TCEA2: variants seen among roughly 807,000 people sequenced by gnomAD.
The protein encoded by TCEA2 is transcription elongation factor A protein 2.
A neutral mutation model predicts 40.8 loss-of-function variants in TCEA2; 21 were observed. The ratio of observed to expected loss-of-function variants is 0.51; its 90% CI spans 0.36 to 0.74. The LOEUF (loss-of-function observed/expected upper bound fraction) is 0.74. Ranked by LOEUF, TCEA2 falls within the 30% of genes least tolerant of loss-of-function variation. The pLI is 0.00. For synonymous variants in TCEA2, 165 were observed against 162.7 expected (o/e 1.01, Z -0.11); for missense variants, 326 against 426.5 (o/e 0.76, Z 2.08).
At chr20:64,063,128 G>A, upstream of TCEA2, 2 of 366,336 alleles carry the variant, frequency 5.5e-6, no homozygotes, top group Non-Finnish European at 8.9e-6. Context: ...AGGCGGGCGC[G>A]TGGACTACGC....
intron 3 of TCEA2, among the ~76,000 whole-genome samples, 193 bp downstream of exon 3, chr20:64,067,213 A>G (rs895292281): frequency 1.3e-5 from 2 of 152,152 alleles, no homozygotes; most frequent in Non-Finnish European, 2.9e-5. Context: ...GCCTGTCAGC[A>G]TTGGCTGGGA....
upstream of TCEA2, among the ~76,000 whole-genome samples, chr20:64,056,004 G>A (rs779464322): frequency 3.9e-5 from 6 of 152,064 alleles, no homozygotes; most frequent in Middle Eastern, 3.2e-3. Flanking sequence ...TGGAGTGGCC[G>A]CCAGGCTGGC....
At chr20:64,059,191 C>T (rs1425775851), upstream of TCEA2, among the ~76,000 whole-genome samples, 1 of 80,450 alleles carries the variant, frequency 1.2e-5, no homozygotes, top group African/African-American at 5.9e-5. Context: ...GAAACTCTGT[C>T]TCAAAAAAAA....
upstream of TCEA2, among the ~76,000 whole-genome samples, chr20:64,058,268 C>T (rs771867487): frequency 1.3e-5 from 2 of 152,228 alleles, no homozygotes; most frequent in Non-Finnish European, 2.9e-5. The surrounding 1 kb of genome is among the most constrained non-coding windows in gnomAD (Gnocchi z 6.7). Context: ...CACACCTGTC[C>T]GACCAGGCTC....
chr20:64,070,209 A>G (rs2059797143), intron 6 of TCEA2, 51 bp from the exon 7 acceptor site: 1 of 1,601,138 alleles, frequency 6.2e-7, no homozygotes, highest in African/African-American at 1.3e-5. Context: ...GGCAGGTGGT[A>G]GGTGGAGGGC....
chr20:64,071,335 G>A (rs1056329554), intron 8 of TCEA2, among the ~76,000 whole-genome samples: 5 of 151,342 alleles, frequency 3.3e-5, no homozygotes, highest in African/African-American at 4.9e-5. Flanking sequence ...GCGACAGAGC[G>A]AGACTCCGTC....
upstream of TCEA2, chr20:64,062,506 G>A (rs1260226297): frequency 1.3e-5 from 2 of 152,282 alleles, no homozygotes; most frequent in South Asian, 2.1e-4. Flanking sequence ...TTTCACAGGT[G>A]GGGAGACTGA....
Position 64,070,308 on chromosome 20 carries a change from T to C in TCEA2, c.566T>C (p.Val189Ala), listed in dbSNP as rs1355377522. The change falls in exon 7 of 10, where the codon GTA (valine) becomes GCA (alanine). Residue 189 changes from valine (V) to alanine (A), a missense_variant. Coordinates refer to ENST00000343484, the MANE Select transcript of TCEA2 (RefSeq NM_003195.6). ...GNTDMKYKNR[V>A]RSRISNLKDA... ...ACAGACATGAAGTATAAGAACCGTG[T>C]ACGGAGTCGTATCTCCAACCTGAAG... The C allele has an allele frequency of 1.3e-5, 21 of 1,614,202 alleles. No homozygotes were observed. The highest frequency in any genetic ancestry group is 1.5e-5 in the Non-Finnish European group (18 of 1,180,032).
upstream of TCEA2, among the ~76,000 whole-genome samples, chr20:64,059,024 C>G (rs916848036): frequency 6.6e-6 from 1 of 152,058 alleles, no homozygotes; most frequent in African/African-American, 2.4e-5. Flanking sequence ...AACCTCGTCT[C>G]TACTAAAAAT....
chr20:64,061,406 G>A (rs1042339820), upstream of TCEA2, among the ~76,000 whole-genome samples: 9 of 152,142 alleles, frequency 5.9e-5, no homozygotes, highest in African/African-American at 2.2e-4. Flanking sequence ...CTGCGGAGTA[G>A]CTGGGACTAC....
chr20:64,065,500 G>A (rs2059669736), intron 1 of TCEA2: 1 of 144,838 alleles, frequency 6.9e-6, no homozygotes, highest in Non-Finnish European at 1.5e-5. Flanking sequence ...GAGAGGCCTT[G>A]CTGAGAAGGT....
In TCEA2 at chr20:64,067,131, G is replaced by A. The variant is rs10460612; in HGVS notation, c.241+111G>A. ...GGCAGTGTCCACCCTGAGCCAGGTC[G>A]CTTGGGAGTGGGGCAGTGGCAAACC... On this transcript the variant is annotated intron_variant, in intron 3 of 9. Coordinates refer to ENST00000343484, the MANE Select transcript of TCEA2 (RefSeq NM_003195.6). 0.34 allele frequency: 396,855 copies of A among 1,159,666 alleles called. 69,988 individuals carry two copies. The highest frequency in any genetic ancestry group is 0.49 in the South Asian group (36,677 of 74,710). 71.8% of individuals were successfully genotyped at this position (1,159,666 alleles called of 1,614,324 possible).
chr20:64,067,232 C>G (rs757949744), intron 3 of TCEA2, among the ~76,000 whole-genome samples: 3 of 152,140 alleles, frequency 2.0e-5, no homozygotes, highest in Non-Finnish European at 4.4e-5. Flanking sequence ...GAGGTGTGGC[C>G]TAGGAGGCCA....
At chr20:64,070,777 G>A in intron 8 of TCEA2, 142 bp downstream of exon 8, 1 of 1,229,434 alleles carries the variant, frequency 8.1e-7, no homozygotes, top group Non-Finnish European at 1.1e-6. Flanking sequence ...AGGCATGATG[G>A]CCACCTTCAG....
chr20:64,066,337 A>G, intron 1 of TCEA2, 139 bp from the exon 2 acceptor site: 1 of 975,410 alleles, frequency 1.0e-6, no homozygotes, highest in African/African-American at 1.6e-5. Flanking sequence ...CTCCAGGTAG[A>G]GGAATTTTGG....
At chr20:64,062,075 G>T (rs889430849), upstream of TCEA2, among the ~76,000 whole-genome samples, 1 of 152,206 alleles carries the variant, frequency 6.6e-6, no homozygotes, top group African/African-American at 2.4e-5. Flanking sequence ...CATTTTGGCT[G>T]CGGGGAAGCT....
chr20:64,063,245 CG>C lies in TCEA2; in HGVS notation c.-64del. Reference sequence around the variant, plus strand: ...GGCGGGTGTGGGAGGTGGCGACGGCCGGGGCCGGGGTCCTGCCCGGCTGCGG... The same window carrying C: ...GGCGGGTGTGGGAGGTGGCGACGGCCGGGCCGGGGTCCTGCCCGGCTGCGG... On this transcript the variant is annotated 5_prime_UTR_variant, in exon 1 of 10. Coordinates refer to ENST00000343484, the MANE Select transcript of TCEA2 (RefSeq NM_003195.6). 3 of 1,384,686 alleles carry C rather than the reference CG, an allele frequency of 2.2e-6. No homozygotes were observed. The highest frequency in any genetic ancestry group is 2.8e-6 in the Non-Finnish European group (3 of 1,063,722). 85.8% of individuals were successfully genotyped at this position (1,384,686 alleles called of 1,614,324 possible). A position where few individuals can be genotyped will look rare whatever the true frequency, so the allele number is the denominator to read the frequency against.
At chr20:64,057,308 C>CCGAACATTA (rs1489145733) in exon 1 of TCEA2, 3 of 152,290 alleles carry the variant, frequency 2.0e-5, no homozygotes, top group Non-Finnish European at 4.4e-5. Context: ...TTAACCGAAA[C>CCGAACATTA]CGAACATTAA....
chr20:64,056,014 C>T (rs1472108544), upstream of TCEA2, among the ~76,000 whole-genome samples: 7 of 151,982 alleles, frequency 4.6e-5, no homozygotes, highest in African/African-American at 7.2e-5. Flanking sequence ...GCCAGGCTGG[C>T]GGGCTGGCAG....
Sources: gnomAD v4.1 joint callset for allele counts (sites outside exome capture counted in the v4.1 genomes callset) on GRCh38, gnomAD v4.1.1 for gene constraint, Gnocchi (gnomAD v3.1) non-coding constraint, MANE v1.5 for transcripts, NCBI Gene and HGNC (gene_info 2026-07-23, HGNC 2026-07-21) for gene names.